The following ESR2 variants were observed in gnomAD, a reference collection of about 807,000 sequenced individuals.
ESR2 encodes the protein estrogen receptor 2.
ESR2 carries 36 observed loss-of-function variants against 49.6 expected under a neutral mutation model. That is an observed-to-expected ratio of 0.73 (90% CI 0.56 to 0.96). The LOEUF (loss-of-function observed/expected upper bound fraction) is 0.96. Among genes scored for constraint, ESR2 ranks in the 40% least tolerant of loss-of-function variants. The pLI is 0.00. For missense variants in ESR2, 714 were observed against 693.0 expected, an observed-to-expected ratio of 1.03 and a Z score of -0.34; for synonymous variants, 320 against 266.1, an observed-to-expected ratio of 1.20 and a Z score of -1.97.
At chr14:64,310,532 T>C (rs2077175785) in intron 1 of ESR2, among the ~76,000 whole-genome samples, 1 of 150,968 alleles carries the variant, frequency 6.6e-6, no homozygotes, top group East Asian at 2.0e-4. Flanking sequence ...AGTGCAGTAG[T>C]ACGATCTTGG....
intron 7 of ESR2, among the ~76,000 whole-genome samples, chr14:64,242,286 T>TATAATCC (rs1404251954): frequency 6.6e-6 from 1 of 151,922 alleles, no homozygotes; most frequent in East Asian, 1.9e-4. Flanking sequence ...GGCAGGCACC[T>TATAATCC]ATAATCCCAG....
In ESR2 at chr14:64,228,455, A is replaced by C. The variant is rs2098724424; in HGVS notation, c.*4682T>G. On this transcript the variant is annotated 3_prime_UTR_variant, in exon 9 of 9. Coordinates refer to ENST00000341099, the MANE Select transcript of ESR2 (RefSeq NM_001437.3). ...AGCAGGTCTCAAAATCTGCTTTCAC[A>C]GAGCAGCAAACATTCATTTCTACAA... Among the ~76,000 whole-genome samples the C allele has an allele frequency of 6.6e-6, 1 of 152,250 alleles. No individual in the cohort carries two copies. The highest frequency in any genetic ancestry group is 1.5e-5 in the Non-Finnish European group (1 of 68,040).
intron 4 of ESR2, among the ~76,000 whole-genome samples, chr14:64,268,127 T>C (rs1329492294): frequency 6.6e-6 from 1 of 152,186 alleles, no homozygotes; most frequent in East Asian, 1.9e-4. Context: ...TATACCAAAG[T>C]GCTCACTTTT....
chr14:64,298,684 C>A (rs1265313108), upstream of ESR2, among the ~76,000 whole-genome samples: 1 of 152,174 alleles, frequency 6.6e-6, no homozygotes, highest in African/African-American at 2.4e-5. Flanking sequence ...TTTAAATGAA[C>A]CACCTGAGCA....
At chr14:64,305,636 A>C (rs80178968) in intron 1 of ESR2, among the ~76,000 whole-genome samples, 1 of 151,962 alleles carries the variant, frequency 6.6e-6, no homozygotes, top group South Asian at 2.1e-4. Flanking sequence ...GCACCACTGC[A>C]CTCCAGCCTG....
intron 7 of ESR2, among the ~76,000 whole-genome samples, chr14:64,238,358 G>T (rs1398076934): frequency 1.4e-5 from 2 of 141,974 alleles, no homozygotes; most frequent in East Asian, 3.9e-4. Flanking sequence ...TGGTGGGGTA[G>T]GGGGGCAGTG....
At chr14:64,331,822 C>CAAAAAA (rs368932180) in intron 1 of ESR2, among the ~76,000 whole-genome samples, 8 of 52,394 alleles carry the variant, frequency 1.5e-4, no homozygotes, top group Admixed American at 2.2e-4. Flanking sequence ...GACTCCATCT[C>CAAAAAA]AAAAAAAAAA....
chr14:64,261,038 G>T (rs987745068), intron 4 of ESR2, among the ~76,000 whole-genome samples: 2 of 151,836 alleles, frequency 1.3e-5, no homozygotes, highest in African/African-American at 4.8e-5. Context: ...ATTTCCAAAG[G>T]TATCAAATAA....
chr14:64,310,825 C>T (rs922887809), intron 1 of ESR2, among the ~76,000 whole-genome samples: 9 of 152,166 alleles, frequency 5.9e-5, no homozygotes, highest in Admixed American at 3.9e-4. Flanking sequence ...AGTAATATTG[C>T]ATCTCTCCTT....
chr14:64,295,067 T>C (rs561616476), upstream of ESR2, among the ~76,000 whole-genome samples: 176 of 151,530 alleles, frequency 1.2e-3, no homozygotes, highest in Non-Finnish European at 1.6e-3. Flanking sequence ...CTTAATGGGG[T>C]GTTCCCCTCA....
chr14:64,241,264 G>A (rs2075724142), intron 7 of ESR2, among the ~76,000 whole-genome samples: 1 of 151,956 alleles, frequency 6.6e-6, no homozygotes, highest in South Asian at 2.1e-4. Context: ...GGTTTTTTGG[G>A]AAATCACCCC....
intron 1 of ESR2, among the ~76,000 whole-genome samples, chr14:64,318,766 G>A (rs1242216838): frequency 6.6e-6 from 1 of 151,832 alleles, no homozygotes; most frequent in Non-Finnish European, 1.5e-5. Flanking sequence ...TAGCTAGCCA[G>A]GTGTTGTGGT....
intron 3 of ESR2, among the ~76,000 whole-genome samples, chr14:64,275,476 G>T (rs1001867851): frequency 6.6e-5 from 10 of 152,152 alleles, no homozygotes; most frequent in African/African-American, 2.4e-4. Flanking sequence ...TCTGAGGTGG[G>T]CTGATCTCCT....
At chr14:64,227,863 A>G, downstream of ESR2, 1 of 1,595,036 alleles carries the variant, frequency 6.3e-7, no homozygotes, top group South Asian at 1.1e-5. Context: ...CCCACATGCA[A>G]GGGACATTTT....
intron 7 of ESR2, among the ~76,000 whole-genome samples, chr14:64,239,806 A>G (rs897508364): frequency 6.6e-6 from 1 of 152,230 alleles, no homozygotes; most frequent in African/African-American, 2.4e-5. Flanking sequence ...CACACAACCT[A>G]TATATGCATA....
At chr14:64,236,565 G>A (rs2075604027) in intron 7 of ESR2, among the ~76,000 whole-genome samples, 1 of 152,052 alleles carries the variant, frequency 6.6e-6, no homozygotes, top group Non-Finnish European at 1.5e-5. Flanking sequence ...GGCCCTCCCC[G>A]CTTCTCTCAT....
At chr14:64,315,468 T>C (rs907109041) in intron 1 of ESR2, among the ~76,000 whole-genome samples, 1 of 151,948 alleles carries the variant, frequency 6.6e-6, no homozygotes, top group South Asian at 2.1e-4. Flanking sequence ...TATCTTTTTT[T>C]AATGTTTTAT....
rs10143846 is a variant in ESR2 at position 64,281,239 on chromosome 14, A to T, written c.363-1086T>A. 4.3e-3 allele frequency among the ~76,000 whole-genome samples: 660 copies of T among 152,294 alleles called. 3 individuals carry two copies. The highest frequency in any genetic ancestry group is 0.015 in the African/African-American group (633 of 41,562). On this transcript the variant is annotated intron_variant, in intron 2 of 8. Coordinates refer to ENST00000341099, the MANE Select transcript of ESR2 (RefSeq NM_001437.3). ...AGGTTCATAAAGGAACGAAAAGTCT[A>T]ACAAGGGATCCCCAGGCAGCCTCCA...
In ESR2 at chr14:64,260,331, G is replaced by A. The variant is rs567614282; in HGVS notation, c.952+118C>T. 35 of 1,003,836 alleles carry A rather than the reference G, an allele frequency of 3.5e-5. No individual in the cohort carries two copies. The East Asian group carries it at 8.3e-4, about 24-fold the overall frequency. The allele number at this position is 1,003,836 out of a possible 1,614,324, so 62.2% of individuals were successfully genotyped here. On this transcript the variant is annotated intron_variant, in intron 5 of 8. Transcript: ENST00000341099. ...ACTTAAAAGTTACAAATCCAGCTGA[G>A]GACCTGTTAAATATCTAGGCACAGC... is the stretch of plus-strand genomic sequence containing the variant.
Sources: gnomAD v4.1 joint callset for allele counts (sites outside exome capture counted in the v4.1 genomes callset) on GRCh38, gnomAD v4.1.1 for gene constraint, MANE v1.5 for transcripts, NCBI Gene and HGNC (gene_info 2026-07-23, HGNC 2026-07-21) for gene names.